RAPGEF5: variants seen among roughly 807,000 people sequenced by gnomAD.
RAPGEF5 encodes the protein M-Ras-regulated GEF.
Under a neutral mutation model 125.2 loss-of-function variants are expected in RAPGEF5, and 65 were observed. The ratio of observed to expected loss-of-function variants is 0.52; its 90% CI spans 0.43 to 0.64. The LOEUF (loss-of-function observed/expected upper bound fraction) is 0.64. Ranked by LOEUF, RAPGEF5 falls within the 30% of genes least tolerant of loss-of-function variation. The pLI, the probability that RAPGEF5 is intolerant of heterozygous loss-of-function variation, is 0.00. For synonymous variants in RAPGEF5, 391 were observed against 385.9 expected, an observed-to-expected ratio of 1.01 and a Z score of -0.16; for missense variants, 958 against 1,048.1, an observed-to-expected ratio of 0.91 and a Z score of 1.19.
rs1004007303 is a variant in RAPGEF5, at chr7:22,356,005, AG to A, written c.231+824del. On this transcript the variant is annotated intron_variant, in intron 1 of 25. Coordinates refer to ENST00000665637, the MANE Select transcript of RAPGEF5 (RefSeq NM_012294.5). ...AAGGTGCCGCCAAACCCTGGTGAGC[AG>A]GGAAATCTGAGTAAGTCAGCTCTGT... The A allele has an allele frequency of 6.1e-6, 6 of 985,362 alleles. No homozygotes were observed. The Middle Eastern group carries it at 1.5e-3, about 254-fold the overall frequency. 61.0% of individuals were successfully genotyped at this position (985,362 alleles called of 1,614,324 possible).
At chr7:22,333,033 T>C (rs1783951926) in intron 1 of RAPGEF5, among the ~76,000 whole-genome samples, 1 of 152,186 alleles carries the variant, frequency 6.6e-6, no homozygotes, top group Admixed American at 6.5e-5. Flanking sequence ...CTTTTAATCA[T>C]CTCTTACTCT....
chr7:22,272,110 G>A (rs866784084), intron 6 of RAPGEF5, among the ~76,000 whole-genome samples: 3 of 152,042 alleles, frequency 2.0e-5, no homozygotes, highest in East Asian at 1.9e-4. Flanking sequence ...TTGGGAGGTC[G>A]AGGTGGGCAG....
At chr7:22,354,204 C>T (rs560600571) in intron 1 of RAPGEF5, among the ~76,000 whole-genome samples, 2 of 152,310 alleles carry the variant, frequency 1.3e-5, no homozygotes, top group East Asian at 3.9e-4. Flanking sequence ...CCCAGGGCAG[C>T]ATGGATAAGG....
At chr7:22,134,795 T>C (rs1783028708) in intron 23 of RAPGEF5, among the ~76,000 whole-genome samples, 1 of 152,188 alleles carries the variant, frequency 6.6e-6, no homozygotes, top group Non-Finnish European at 1.5e-5. Flanking sequence ...TAAAAGCAAA[T>C]AAATATGAAG....
intron 1 of RAPGEF5, among the ~76,000 whole-genome samples, chr7:22,332,690 T>G (rs1384455542): frequency 6.6e-6 from 1 of 152,244 alleles, no homozygotes; most frequent in African/African-American, 2.4e-5. Flanking sequence ...CCATGACTCA[T>G]GGGAGGCAAT....
intron 5 of RAPGEF5, among the ~76,000 whole-genome samples, chr7:22,293,623 A>T (rs1583555277): frequency 6.6e-6 from 1 of 152,110 alleles, no homozygotes; most frequent in Non-Finnish European, 1.5e-5. Flanking sequence ...ACCTTCAAGG[A>T]TTTTCCTCAC....
intron 11 of RAPGEF5, among the ~76,000 whole-genome samples, chr7:22,185,529 C>A (rs1302517745): frequency 6.6e-6 from 1 of 152,146 alleles, no homozygotes; most frequent in Admixed American, 6.5e-5. Context: ...ATTCTCCATG[C>A]TAGTAATTAG....
chr7:22,343,750 T>C (rs73683357), intron 1 of RAPGEF5, among the ~76,000 whole-genome samples: 12,558 of 152,186 alleles, frequency 0.083, 556 homozygotes, highest in Middle Eastern at 0.15. Flanking sequence ...GGTGTAATTA[T>C]CCTATTCGAC....
intron 18 of RAPGEF5, among the ~76,000 whole-genome samples, chr7:22,148,228 G>C (rs961419593): frequency 6.6e-6 from 1 of 152,220 alleles, no homozygotes; most frequent in Non-Finnish European, 1.5e-5. Context: ...GAAAGACCCA[G>C]AGTGAGGAAG....
intron 25 of RAPGEF5, among the ~76,000 whole-genome samples, chr7:22,122,970 A>G (rs1416814913): frequency 6.6e-6 from 1 of 152,212 alleles, no homozygotes; most frequent in African/African-American, 2.4e-5. Flanking sequence ...CTGATAATGT[A>G]TTTAGCATAT....
intron 1 of RAPGEF5, among the ~76,000 whole-genome samples, chr7:22,348,466 C>T (rs891668066): frequency 6.6e-6 from 1 of 152,206 alleles, no homozygotes; most frequent in African/African-American, 2.4e-5. Context: ...ACAAGGAACT[C>T]ATTCTACCTC....
At chr7:22,330,495 G>A (rs1480520487) in intron 1 of RAPGEF5, among the ~76,000 whole-genome samples, 1 of 152,154 alleles carries the variant, frequency 6.6e-6, no homozygotes, top group Admixed American at 6.6e-5. Flanking sequence ...TTTCTAAATG[G>A]CCCTTTGTAG....
chr7:22,145,013 A>C, intron 20 of RAPGEF5, 31 bp downstream of exon 20: 1 of 1,603,036 alleles, frequency 6.2e-7, no homozygotes, highest in South Asian at 1.1e-5. Context: ...AGAAGACTAG[A>C]GGAATGGCAC....
At chr7:22,331,755 A>G (rs1193114902) in intron 1 of RAPGEF5, among the ~76,000 whole-genome samples, 1 of 151,544 alleles carries the variant, frequency 6.6e-6, no homozygotes, top group Non-Finnish European at 1.5e-5. Flanking sequence ...AAAAAAAAAA[A>G]AAAAAAGAAA....
At chr7:22,319,322 C>T (rs1198422713) in intron 1 of RAPGEF5, among the ~76,000 whole-genome samples, 1 of 152,186 alleles carries the variant, frequency 6.6e-6, no homozygotes, top group East Asian at 1.9e-4. Context: ...CCCTACCAGT[C>T]ATCACTTTCC....
chr7:22,329,449 C>T (rs928573791), intron 1 of RAPGEF5, among the ~76,000 whole-genome samples: 16 of 152,068 alleles, frequency 1.1e-4, no homozygotes, highest in Non-Finnish European at 2.4e-4. Context: ...TAAAAGGATT[C>T]CCCCCACTCT....
At chr7:22,235,927 T>C (rs1786175909) in intron 7 of RAPGEF5, among the ~76,000 whole-genome samples, 2 of 152,238 alleles carry the variant, frequency 1.3e-5, no homozygotes, top group Admixed American at 6.5e-5. Context: ...AAGGTAATTG[T>C]AACATTTCTG....
intron 7 of RAPGEF5, among the ~76,000 whole-genome samples, chr7:22,259,942 G>T (rs1454753859): frequency 6.6e-6 from 1 of 152,196 alleles, no homozygotes; most frequent in Non-Finnish European, 1.5e-5. Context: ...AAATTACCCG[G>T]GTGTGGTGGC....
intron 7 of RAPGEF5, among the ~76,000 whole-genome samples, chr7:22,254,853 G>A (rs1786716423): frequency 6.6e-6 from 1 of 152,114 alleles, no homozygotes; most frequent in African/African-American, 2.4e-5. Flanking sequence ...TCGCGCACCT[G>A]TGAAAATCGA....
Sources: allele counts gnomAD v4.1 joint callset (sites outside exome capture counted in the v4.1 genomes callset), GRCh38; gene constraint gnomAD v4.1.1; transcripts MANE v1.5; gene names NCBI Gene and HGNC (gene_info 2026-07-23, HGNC 2026-07-21).